Variants in MEFV observed in about 807,000 individuals in gnomAD.
MEFV encodes MEFV innate immunity regulator, pyrin.
Under a neutral mutation model 62.5 loss-of-function variants are expected in MEFV, and 60 were observed. That is an observed-to-expected ratio of 0.96 (90% CI 0.78 to 1.19). The LOEUF (loss-of-function observed/expected upper bound fraction) is 1.19, where lower values mean the gene tolerates loss of function less well. Among genes scored for constraint, MEFV ranks in the 50% most tolerant of loss-of-function variants. The probability of loss-of-function intolerance (pLI) is 0.00; values close to 1 mark genes in which losing one functional copy is unlikely to be tolerated. For missense variants in MEFV, 1,169 were observed against 1,004.5 expected, an observed-to-expected ratio of 1.16 and a Z score of -2.21; for synonymous variants, 500 against 415.2, an observed-to-expected ratio of 1.20 and a Z score of -2.48.
intron 6 of MEFV, 156 bp downstream of exon 6, chr16:3,246,369 T>C (rs1958942700): frequency 1.2e-6 from 1 of 821,566 alleles, no homozygotes; most frequent in Non-Finnish European, 2.0e-6. Context: ...CCCTATCAAA[T>C]CCAGAGAGGC....
Position 3,247,117 on chromosome 16 carries a change from T to A in MEFV, c.1486A>T (p.Lys496Ter). ...TGGGATACGCGGGTGTCATATGCCTTCCTGATCTGCCCAACCATCTGGCCC... is the reference window on the plus strand; with the variant it reads ...TGGGATACGCGGGTGTCATATGCCTACCTGATCTGCCCAACCATCTGGCCC... ...DVGQMVGQIR[K>*]AYDTRVSQDI... The change falls in exon 5 of 10, where the codon AAG becomes TAG. Residue 496 changes from lysine to a stop codon, truncating the protein, a stop_gained. Coordinates refer to ENST00000219596, the MANE Select transcript of MEFV (RefSeq NM_000243.3). LOFTEE classifies it high-confidence loss of function. 6.2e-7 allele frequency: 1 copy of A among 1,614,188 alleles called. No individual in the cohort carries two copies. Among genetic ancestry groups the A allele is most frequent in the South Asian group, 1.1e-5 (1 of 91,084 alleles).
chr16:3,249,286 G>C, intron 3 of MEFV, 145 bp downstream of exon 3: 1 of 786,864 alleles, frequency 1.3e-6, no homozygotes, highest in South Asian at 1.6e-5. Flanking sequence ...CTCTTTGCTG[G>C]ACTGGTTTAT....
rs757016889 is a variant in MEFV, at chr16:3,256,122, G to GTT, written c.277+187_277+188dup. 2.0e-5 allele frequency among the ~76,000 whole-genome samples: 3 copies of GTT among 152,172 alleles called. No homozygotes were observed. The South Asian group carries it at 6.2e-4, about 31-fold the overall frequency. ...AAAACCCATTAGGAGCCTGAAGGAA[G>GTT]TTTACTAACCCAGTTCCAAAGGCCA... On this transcript the variant is annotated intron_variant, in intron 1 of 9. Coordinates refer to ENST00000219596, the MANE Select transcript of MEFV (RefSeq NM_000243.3).
chr16:3,246,501 G>A lies in MEFV; in HGVS notation c.1610+24C>T, dbSNP rs778339851. 5 of 1,613,950 alleles carry A rather than the reference G, an allele frequency of 3.1e-6. No homozygotes were observed. In the South Asian group the frequency reaches 3.3e-5, roughly 11 times the overall value. ...TATGCTTTCTGCAAGACACCCCAGG[G>A]TACACCACAGGACCTCGCTGTACCT... On this transcript the variant is annotated intron_variant, in intron 6 of 9. Transcript: ENST00000219596.
chr16:3,254,654 T>C lies in MEFV; in HGVS notation c.414A>G (p.Gly138=), dbSNP rs224224. Reference sequence around the variant, plus strand: ...GCTGGCTGCACCGCAGGCTGGCAGCTCCGCCCCCGTACGGCCGAGGGCCGT... The same window carrying C: ...GCTGGCTGCACCGCAGGCTGGCAGCCCCGCCCCCGTACGGCCGAGGGCCGT... The part of the protein sequence containing the change: ...EGNGPRPYGG[G]AASLRCSQPE... Residue 138 remains glycine (G), a synonymous_variant, in exon 2 of 10, where the codon GGA becomes GGG. Coordinates refer to ENST00000219596, the MANE Select transcript of MEFV (RefSeq NM_000243.3). 733,643 of 1,608,252 alleles carry C rather than the reference T, an allele frequency of 0.46. 174,386 individuals are homozygous for C. The highest frequency in any genetic ancestry group is 0.6 in the Admixed American group (35,543 of 59,736).
intron 2 of MEFV, among the ~76,000 whole-genome samples, chr16:3,253,817 C>A (rs55679833): frequency 0.03 from 4,548 of 152,194 alleles, 113 homozygotes; most frequent in Non-Finnish European, 0.046. Flanking sequence ...CAGGCGCGTG[C>A]CACTATTGTA....
rs777199024 is a variant in MEFV at position 3,254,548 on chromosome 16, T to C, written c.520A>G (p.Lys174Glu). The change falls in exon 2 of 10, where the codon AAG (lysine) becomes GAG (glutamate). Residue 174 changes from lysine (K) to glutamate (E), a missense_variant. By Grantham distance (56) the Lys-to-Glu change is moderately conservative (BLOSUM62 1). Transcript: ENST00000219596. Reference protein sequence around the residue: ...KASEGLDAQGKPRTRSPALPG... With the variant: ...KASEGLDAQGEPRTRSPALPG... ...AGGGCCGGGCTCCGGGTCCGAGGCT[T>C]GCCCTGCGCGTCCAGGCCCTCCGAG... 2.6e-6 allele frequency: 4 copies of C among 1,557,682 alleles called. No homozygotes were observed. The Admixed American group carries it at 5.7e-5, about 22-fold the overall frequency.
chr16:3,243,720 G>C (rs1453893204), intron 9 of MEFV, 26 bp from the exon 10 acceptor site: 1 of 1,612,374 alleles, frequency 6.2e-7, no homozygotes, highest in East Asian at 2.2e-5. Context: ...GAATACCTAG[G>C]TAGGGGTCCA....
chr16:3,243,166 G>A lies in MEFV; in HGVS notation c.2321C>T (p.Pro774Leu), dbSNP rs1567231225. ...GKNTAPLTIC[P>L]VGGQGPD ...TCAGTCAGGCCCCTGACCACCCACT[G>A]GACAGATAGTCAGAGGAGCTGTGTT... Residue 774 changes from proline to leucine, a missense_variant, in exon 10 of 10, where the codon CCA becomes CTA. Physicochemically the swap from Pro to Leu is moderately conservative, Grantham distance 98. Coordinates refer to ENST00000219596, the MANE Select transcript of MEFV (RefSeq NM_000243.3). 1 of 1,613,832 alleles carries A rather than the reference G, an allele frequency of 6.2e-7. No homozygotes were observed. Among genetic ancestry groups the A allele is most frequent in the East Asian group, 2.2e-5 (1 of 44,884 alleles).
Position 3,254,633 on chromosome 16 carries a change from G to C in MEFV, c.435C>G (p.Ser145Arg), listed in dbSNP as rs1271491773. ...ACAGCCCCCTCCCGGCCTCGGGCTG[G>C]CTGCACCGCAGGCTGGCAGCTCCGC... ...YGGGAASLRC[S>R]QPEAGRGLSR... The change falls in exon 2 of 10, where the codon AGC (serine) becomes AGG (arginine). Residue 145 changes from serine to arginine, a missense_variant. Ser to Arg is a moderately radical substitution (Grantham distance 110, BLOSUM62 -1). Transcript: ENST00000219596. 1.2e-6 allele frequency: 2 copies of C among 1,606,256 alleles called. No individual in the cohort carries two copies. The highest frequency in any genetic ancestry group is 2.7e-5 in the African/African-American group (2 of 74,782).
intron 2 of MEFV, among the ~76,000 whole-genome samples, chr16:3,252,598 CCTT>C (rs141247779): frequency 0.017 from 2,603 of 151,860 alleles, 81 homozygotes; most frequent in African/African-American, 0.06. Context: ...TATTTCTCCT[CCTT>C]GAGTGCTGTG....
intron 9 of MEFV, 35 bp from the exon 10 acceptor site, chr16:3,243,729 C>G: frequency 6.2e-7 from 1 of 1,612,028 alleles, no homozygotes; most frequent in Non-Finnish European, 8.5e-7. Context: ...GGTAGGGGTC[C>G]ATGGGCAACA....
intron 2 of MEFV, among the ~76,000 whole-genome samples, chr16:3,250,823 A>AG (rs1174893298): frequency 2.6e-5 from 4 of 151,686 alleles, no homozygotes; most frequent in Non-Finnish European, 4.4e-5. Context: ...CAGGAGTTCA[A>AG]GACCAGCCTG....
chr16:3,248,762 C>T, intron 4 of MEFV, 147 bp downstream of exon 4: 1 of 1,558,064 alleles, frequency 6.4e-7, no homozygotes, highest in South Asian at 1.2e-5. Context: ...ATGAGCTTAC[C>T]CTTGGCTGCT....
intron 2 of MEFV, among the ~76,000 whole-genome samples, chr16:3,252,420 C>T (rs1487078699): frequency 6.6e-6 from 1 of 151,896 alleles, no homozygotes; most frequent in Admixed American, 6.6e-5. Context: ...GGATTATGGA[C>T]ACCCGCCACC....
intron 6 of MEFV, among the ~76,000 whole-genome samples, chr16:3,245,402 G>A (rs1467389225): frequency 6.6e-6 from 1 of 152,216 alleles, no homozygotes; most frequent in Non-Finnish European, 1.5e-5. Flanking sequence ...AGCGCTTTGG[G>A]AGGCCAAGGT....
At chr16:3,250,976 G>GA (rs1959023434) in intron 2 of MEFV, among the ~76,000 whole-genome samples, 2 of 141,098 alleles carry the variant, frequency 1.4e-5, no homozygotes, top group African/African-American at 5.2e-5. Context: ...GTGAGCTGAA[G>GA]TTGCGCCACT....
intron 4 of MEFV, 88 bp from the exon 5 acceptor site, chr16:3,247,334 GGTGGATAA>G: frequency 5.1e-6 from 6 of 1,180,172 alleles, no homozygotes; most frequent in South Asian, 2.5e-5. Context: ...ACCTCCTGGA[GGTGGATAA>G]GAGGTGGGCT....
At position 3,247,161 on chromosome 16, in the gene MEFV, A is replaced by T; in HGVS notation, c.1442T>A (p.Val481Glu). The T allele has an allele frequency of 6.2e-7, 1 of 1,614,170 alleles. No homozygotes were observed. Among genetic ancestry groups the T allele is most frequent in the Non-Finnish European group, 8.5e-7 (1 of 1,180,018 alleles). The change falls in exon 5 of 10, where the codon GTG becomes GAG. Residue 481 changes from valine (V) to glutamate (E), a missense_variant. Val to Glu is a moderately radical substitution (Grantham distance 121). Coordinates refer to ENST00000219596, the MANE Select transcript of MEFV (RefSeq NM_000243.3). ...YFLEQQEHFF[V>E]ASLEDVGQMV... Reference sequence around the variant, plus strand: ...CTGGCCCACGTCCTCCAGTGAGGCCACAAAGAAATGCTCTTGCTGCTCCAG... The same window carrying T: ...CTGGCCCACGTCCTCCAGTGAGGCCTCAAAGAAATGCTCTTGCTGCTCCAG...
Sources: allele counts gnomAD v4.1 joint callset (sites outside exome capture counted in the v4.1 genomes callset), GRCh38; gene constraint gnomAD v4.1.1; transcripts MANE v1.5; gene names NCBI Gene and HGNC (gene_info 2026-07-23, HGNC 2026-07-21).